PPM1H: variants seen among roughly 807,000 people sequenced by gnomAD.
PPM1H encodes the protein protein phosphatase 1H.
A neutral mutation model predicts 54.9 loss-of-function variants in PPM1H; 27 were observed. The observed-to-expected ratio is 0.49, with a 90% CI of 0.36 to 0.68. The LOEUF is 0.68. PPM1H is among the 30% of genes least tolerant of loss of function. The probability of loss-of-function intolerance (pLI) is 0.00; values close to 1 mark genes in which losing one functional copy is unlikely to be tolerated. For missense variants in PPM1H, 596 were observed against 667.8 expected, an observed-to-expected ratio of 0.89 and a Z score of 1.19; for synonymous variants, 305 against 270.8, an observed-to-expected ratio of 1.13 and a Z score of -1.24.
rs754964484 is a variant in PPM1H at position 62,934,651 on chromosome 12, C to A, written c.86G>T (p.Ser29Ile). The A allele has an allele frequency of 6.3e-7, 1 of 1,596,336 alleles. No individual in the cohort carries two copies. Among genetic ancestry groups the A allele is most frequent in the East Asian group, 2.3e-5 (1 of 43,720 alleles). Residue 29 changes from serine to isoleucine, a missense_variant, in exon 1 of 10, where the codon AGC becomes ATC. Physicochemically the swap from Ser to Ile is moderately radical, Grantham distance 142 (BLOSUM62 -2). This residue lies in a region of PPM1H where 382 missense variants were observed against 387.1 expected (regional missense o/e 0.99). Transcript: ENST00000228705. The surrounding 1 kb of genome is among the most constrained non-coding windows in gnomAD (Gnocchi z 4.2). ...CAGGGGCAGGTCCGAGCCTCCGCAG[C>A]TGCCGCCGCCGTGCTCGGAGCCTGA... is the stretch of plus-strand genomic sequence containing the variant. ...GSSGSEHGGG[S>I]CGGSDLPLRF...
chr12:62,923,310 T>C (rs902827884), intron 1 of PPM1H, among the ~76,000 whole-genome samples: 2 of 152,194 alleles, frequency 1.3e-5, no homozygotes, highest in African/African-American at 4.8e-5. Context: ...TCTAACAAAA[T>C]GTGAATTACA....
At chr12:62,859,391 T>C (rs1411679016) in intron 1 of PPM1H, among the ~76,000 whole-genome samples, 3 of 152,212 alleles carry the variant, frequency 2.0e-5, no homozygotes, top group African/African-American at 7.2e-5. Context: ...GATGCCCAAA[T>C]GTCTGTTTTC....
At chr12:62,819,207 G>A (rs940764182) in intron 2 of PPM1H, among the ~76,000 whole-genome samples, 7 of 144,626 alleles carry the variant, frequency 4.8e-5, no homozygotes, top group African/African-American at 1.8e-4. Context: ...TCAGCTCACT[G>A]CAACCTCTGC....
Position 62,802,034 on chromosome 12 carries a change from T to A in PPM1H, c.538A>T (p.Ile180Phe). ...GGCAGGACGGCGGAGTTCTTCAGGA[T>A]GTCCACGATGTCCTGCAGCTGCTCC... is the stretch of plus-strand genomic sequence containing the variant. ...ITEQLQDIVD[I>F]LKNSAVLPPT... The change falls in exon 3 of 10, where the codon ATC becomes TTC. Residue 180 changes from isoleucine (I) to phenylalanine (F), a missense_variant. Ile to Phe is a conservative substitution (Grantham distance 21). This residue lies in a region of PPM1H where 382 missense variants were observed against 387.1 expected (regional missense o/e 0.99). Coordinates refer to ENST00000228705, the MANE Select transcript of PPM1H (RefSeq NM_020700.2). 6 of 1,613,466 alleles carry A rather than the reference T, an allele frequency of 3.7e-6. No individual in the cohort carries two copies. Among genetic ancestry groups the A allele is most frequent in the Non-Finnish European group, 4.2e-6 (5 of 1,179,784 alleles).
chr12:62,850,212 C>A (rs1869128471), intron 1 of PPM1H, among the ~76,000 whole-genome samples: 1 of 152,164 alleles, frequency 6.6e-6, no homozygotes, highest in African/African-American at 2.4e-5. Flanking sequence ...AGCAATCAAC[C>A]TGCCTTGGCC....
intron 3 of PPM1H, among the ~76,000 whole-genome samples, chr12:62,800,322 C>T (rs1290366886): frequency 2.9e-5 from 4 of 138,158 alleles, no homozygotes; most frequent in Non-Finnish European, 4.6e-5. Flanking sequence ...TTGTAATCTC[C>T]AGGTTTTTTT....
chr12:62,779,368 C>A (rs2076629030), intron 4 of PPM1H, among the ~76,000 whole-genome samples: 1 of 152,216 alleles, frequency 6.6e-6, no homozygotes, highest in African/African-American at 2.4e-5. Flanking sequence ...ATTTCATGGA[C>A]ACCTTGAAAA....
At chr12:62,900,417 A>G (rs531125259) in intron 1 of PPM1H, among the ~76,000 whole-genome samples, 20 of 152,138 alleles carry the variant, frequency 1.3e-4, no homozygotes, top group Admixed American at 3.3e-4. Flanking sequence ...GGATAGTATT[A>G]GGAGATATAC....
chr12:62,844,938 G>C lies in PPM1H; in HGVS notation c.246-12659C>G, dbSNP rs1168021322. The stretch of plus-strand genomic sequence containing the variant: ...CTTCTACTAGGAAATGAGCTTGGGA[G>C]TAGGATATGTTAAAGTGACCCCTAA... On this transcript the variant is annotated intron_variant, in intron 1 of 9. Transcript: ENST00000228705. This position sits in a 1 kb window ranked among gnomAD's most constrained non-coding sequence, Gnocchi z 5.2. Among the ~76,000 whole-genome samples the C allele has an allele frequency of 1.3e-5, 2 of 152,210 alleles. No individual in the cohort carries two copies. Among genetic ancestry groups the C allele is most frequent in the Non-Finnish European group, 2.9e-5 (2 of 68,038 alleles).
At chr12:62,886,355 T>C (rs1422848366) in intron 1 of PPM1H, among the ~76,000 whole-genome samples, 1 of 152,214 alleles carries the variant, frequency 6.6e-6, no homozygotes, top group Non-Finnish European at 1.5e-5. Flanking sequence ...TCTCAAAGAA[T>C]AAGGTGTTAA....
intron 3 of PPM1H, among the ~76,000 whole-genome samples, chr12:62,798,937 A>C (rs1442417907): frequency 1.3e-5 from 2 of 152,138 alleles, no homozygotes; most frequent in Admixed American, 6.6e-5. Flanking sequence ...AGACTCCTGC[A>C]TCACCCTGTA....
intron 1 of PPM1H, among the ~76,000 whole-genome samples, chr12:62,899,297 G>A (rs1352492247): frequency 2.6e-5 from 4 of 152,082 alleles, no homozygotes; most frequent in East Asian, 1.9e-4. Context: ...AAAGCTGGGC[G>A]TGGTGGCTCA....
intron 7 of PPM1H, among the ~76,000 whole-genome samples, chr12:62,692,468 C>G (rs1357702695): frequency 6.6e-6 from 1 of 152,186 alleles, no homozygotes; most frequent in African/African-American, 2.4e-5. Flanking sequence ...GTATACTGAA[C>G]ATAACTGAAC....
At chr12:62,776,014 G>A (rs1052239199) in intron 4 of PPM1H, among the ~76,000 whole-genome samples, 1 of 152,208 alleles carries the variant, frequency 6.6e-6, no homozygotes, top group Non-Finnish European at 1.5e-5. Flanking sequence ...TGGCAGGCAA[G>A]AGAGCATGTG....
chr12:62,819,785 CAA>C (rs2076890658), intron 2 of PPM1H, among the ~76,000 whole-genome samples: 1 of 152,186 alleles, frequency 6.6e-6, no homozygotes, highest in African/African-American at 2.4e-5. Flanking sequence ...GTGCCACTGT[CAA>C]GAGCTCAAAC....
At chr12:62,879,285 C>G (rs1009177814) in intron 1 of PPM1H, among the ~76,000 whole-genome samples, 4 of 152,158 alleles carry the variant, frequency 2.6e-5, no homozygotes, top group Non-Finnish European at 5.9e-5. Flanking sequence ...ATTCTGGTTG[C>G]ACATTAGAAT....
At chr12:62,876,788 C>T (rs574028173) in intron 1 of PPM1H, among the ~76,000 whole-genome samples, 5 of 152,300 alleles carry the variant, frequency 3.3e-5, no homozygotes, top group South Asian at 2.1e-4. Flanking sequence ...TGAATTTAGC[C>T]ACCTTAGTAG....
intron 2 of PPM1H, among the ~76,000 whole-genome samples, chr12:62,825,751 G>C (rs911026908): frequency 2.6e-5 from 4 of 152,144 alleles, no homozygotes; most frequent in African/African-American, 9.7e-5. Context: ...GGAGCAGGGG[G>C]AGGGATAGCA....
chr12:62,845,206 C>T (rs1466833973), intron 1 of PPM1H, among the ~76,000 whole-genome samples: 7 of 152,194 alleles, frequency 4.6e-5, no homozygotes, highest in Non-Finnish European at 1.0e-4. Context: ...CTGACACTAT[C>T]GGTTTGAAGC....
Sources: gnomAD v4.1 joint callset for allele counts (sites outside exome capture counted in the v4.1 genomes callset) on GRCh38, gnomAD v4.1.1 for gene constraint, gnomAD v4.1.1 regional missense constraint, Gnocchi (gnomAD v3.1) non-coding constraint, MANE v1.5 for transcripts, NCBI Gene and HGNC (gene_info 2026-07-23, HGNC 2026-07-21) for gene names.